SCN11A: variants seen among roughly 807,000 people sequenced by gnomAD.
SCN11A encodes the protein sodium voltage-gated channel alpha subunit 11.
Under a neutral mutation model 162.2 loss-of-function variants are expected in SCN11A, and 122 were observed. The observed-to-expected ratio is 0.75, with a 90% CI of 0.65 to 0.87. SCN11A has a LOEUF of 0.87. Ranked by LOEUF, SCN11A falls within the 40% of genes least tolerant of loss-of-function variation. SCN11A has a pLI of 0.00. For synonymous variants in SCN11A, 758 were observed against 751.5 expected (o/e 1.01, Z -0.14); for missense variants, 2,015 against 2,181.6 (o/e 0.92, Z 1.52).
intron 7 of SCN11A, among the ~76,000 whole-genome samples, chr3:38,931,083 G>A (rs1263681550): frequency 6.6e-6 from 1 of 152,168 alleles, no homozygotes; most frequent in African/African-American, 2.4e-5. Context: ...AGGCTTCCAG[G>A]GAAGCTGCAG....
At chr3:38,969,870 C>G (rs2066806028) in intron 2 of SCN11A, among the ~76,000 whole-genome samples, 1 of 152,230 alleles carries the variant, frequency 6.6e-6, no homozygotes, top group Non-Finnish European at 1.5e-5. Context: ...AGGCTCAGTT[C>G]TCTCTCTAAA....
intron 1 of SCN11A, among the ~76,000 whole-genome samples, chr3:39,047,842 A>G (rs1325309991): frequency 6.6e-6 from 1 of 152,372 alleles, no homozygotes; most frequent in Middle Eastern, 3.4e-3. Context: ...ATCTCACTCC[A>G]GTTAGAATCG....
At chr3:38,941,685 G>T (rs913689275) in intron 7 of SCN11A, among the ~76,000 whole-genome samples, 1 of 151,834 alleles carries the variant, frequency 6.6e-6, no homozygotes, top group East Asian at 1.9e-4. Context: ...ATGCAAATAG[G>T]TAAAGCTAAA....
At chr3:38,926,018 G>T (rs2066135359) in intron 8 of SCN11A, among the ~76,000 whole-genome samples, 1 of 152,204 alleles carries the variant, frequency 6.6e-6, no homozygotes, top group South Asian at 2.1e-4. Flanking sequence ...ACCTCCAAGG[G>T]CTTTTGTGAA....
intron 28 of SCN11A, among the ~76,000 whole-genome samples, chr3:38,851,235 C>T (rs2126080221): frequency 6.6e-6 from 1 of 152,270 alleles, no homozygotes; most frequent in South Asian, 2.1e-4. Flanking sequence ...TGCCAATTCA[C>T]AATAATCAGA....
intron 15 of SCN11A, 55 bp from the exon 16 acceptor site, chr3:38,904,158 C>A: frequency 1.7e-6 from 2 of 1,182,944 alleles, no homozygotes; most frequent in Non-Finnish European, 2.4e-6. Context: ...ATCCAGATGC[C>A]CTTTGCCTGA....
intron 13 of SCN11A, among the ~76,000 whole-genome samples, chr3:38,908,466 A>T (rs2065835592): frequency 6.6e-6 from 1 of 152,188 alleles, no homozygotes; most frequent in Non-Finnish European, 1.5e-5. Flanking sequence ...GACAAATCTT[A>T]TAGAGGATCA....
chr3:38,920,961 G>C, intron 10 of SCN11A, 115 bp downstream of exon 10: 5 of 949,878 alleles, frequency 5.3e-6, no homozygotes, highest in Non-Finnish European at 8.2e-6. Flanking sequence ...GATGGATGAA[G>C]TCCTCCCTTG....
Position 39,017,716 on chromosome 3 carries a change from T to C in SCN11A, c.-280+14664A>G, listed in dbSNP as rs114353283. Among the ~76,000 whole-genome samples, 1,334 of 152,322 alleles carry C rather than the reference T, an allele frequency of 8.8e-3. 26 individuals are homozygous for C. The highest frequency in any genetic ancestry group is 0.031 in the African/African-American group (1,286 of 41,576). ...TTTTCATGTAGAAGTTCTATGTCTTTTTTTTTACATCTTTTATATCTCTAC... is the reference window on the plus strand; with the variant it reads ...TTTTCATGTAGAAGTTCTATGTCTTCTTTTTTACATCTTTTATATCTCTAC... On this transcript the variant is annotated intron_variant, in intron 2 of 29. Coordinates refer to ENST00000302328, the MANE Select transcript of SCN11A (RefSeq NM_001349253.2).
chr3:38,937,918 G>C (rs2066362717), intron 7 of SCN11A, among the ~76,000 whole-genome samples: 1 of 152,062 alleles, frequency 6.6e-6, no homozygotes, highest in Admixed American at 6.5e-5. Flanking sequence ...CTGCTATAAA[G>C]ACACATGCAC....
At chr3:38,950,629 G>A in intron 4 of SCN11A, 3 of 460,554 alleles carry the variant, frequency 6.5e-6, no homozygotes, top group Non-Finnish European at 1.2e-5. Flanking sequence ...GCGGGAAGTT[G>A]AGTTCAGGAA....
intron 22 of SCN11A, among the ~76,000 whole-genome samples, chr3:38,881,146 T>G (rs887156211): frequency 6.6e-6 from 1 of 152,244 alleles, no homozygotes; most frequent in Admixed American, 6.5e-5. Context: ...TCTTCAGCTT[T>G]AAGATTTCAG....
chr3:39,003,877 T>C (rs1056948699), intron 2 of SCN11A, among the ~76,000 whole-genome samples: 1 of 152,184 alleles, frequency 6.6e-6, no homozygotes, highest in Non-Finnish European at 1.5e-5. Context: ...TAATGGGTTT[T>C]TTTTTCTTGT....
chr3:38,872,194 T>C lies in SCN11A; in HGVS notation c.3494A>G (p.Lys1165Arg). The C allele has an allele frequency of 6.4e-7, 1 of 1,563,084 alleles. No individual in the cohort carries two copies. Among genetic ancestry groups the C allele is most frequent in the Non-Finnish European group, 8.8e-7 (1 of 1,133,706 alleles). The change falls in exon 24 of 30, where the codon AAG becomes AGG. Residue 1165 changes from lysine to arginine, a missense_variant and splice_region_variant. Transcript: ENST00000302328. ...TACCCATTCTTCTGCAGAATGTACC[T>C]TCATTCCTTCAAACTGGGACAGCGC... The part of the protein sequence containing the change: ...LRALSQFEGM[K>R]VVVNALIGAI...
chr3:38,908,907 G>T, intron 13 of SCN11A, 90 bp downstream of exon 13: 1 of 1,092,358 alleles, frequency 9.2e-7, no homozygotes, highest in Non-Finnish European at 1.4e-6. Flanking sequence ...CCAGGCCAAG[G>T]GTGGCAGCCT....
At chr3:38,996,268 A>G (rs1277040965) in intron 2 of SCN11A, among the ~76,000 whole-genome samples, 1 of 152,228 alleles carries the variant, frequency 6.6e-6, no homozygotes, top group Non-Finnish European at 1.5e-5. Flanking sequence ...GTTCACAGAG[A>G]AAATACAGTC....
At position 38,959,430 on chromosome 3, in the gene SCN11A, A is replaced by T. The variant is rs1018008604; in HGVS notation, c.-139+853T>A. On this transcript the variant is annotated intron_variant, in intron 3 of 29. Transcript: ENST00000302328. The stretch of plus-strand genomic sequence containing the variant: ...TTAAAACTAAGATATCCCCAAGGAG[A>T]TGGGAGAAAGGAGTCAAGAGGAGAA... Among the ~76,000 whole-genome samples the T allele has an allele frequency of 3.3e-5, 5 of 152,148 alleles. No individual in the cohort carries two copies. The East Asian group carries it at 9.6e-4, about 29-fold the overall frequency.
intron 2 of SCN11A, among the ~76,000 whole-genome samples, chr3:38,978,507 G>A (rs1466308658): frequency 3.9e-5 from 6 of 152,108 alleles, no homozygotes; most frequent in African/African-American, 1.4e-4. Flanking sequence ...TTAGCTGGAC[G>A]TGGTGGCACA....
intron 16 of SCN11A, among the ~76,000 whole-genome samples, chr3:38,901,604 G>C (rs564435156): frequency 6.6e-6 from 1 of 152,122 alleles, no homozygotes; most frequent in Non-Finnish European, 1.5e-5. Flanking sequence ...TAATTTTCTA[G>C]TCCAGTCCTG....
Sources: gnomAD v4.1 joint callset for allele counts (sites outside exome capture counted in the v4.1 genomes callset) on GRCh38, gnomAD v4.1.1 for gene constraint, MANE v1.5 for transcripts, NCBI Gene and HGNC (gene_info 2026-07-23, HGNC 2026-07-21) for gene names.